The following PCDHGB7 variants were observed in gnomAD, a reference collection of about 807,000 sequenced individuals.
PCDHGB7 encodes the protein protocadherin gamma-B7.
In PCDHGB7, 37 loss-of-function variants were observed where a neutral mutation model predicts 61.4. That is an observed-to-expected ratio of 0.60 (90% CI 0.46 to 0.79). The LOEUF is 0.79. PCDHGB7 is among the 30% of genes least tolerant of loss of function. PCDHGB7 has a pLI of 0.00. For synonymous variants in PCDHGB7, 464 were observed against 503.5 expected (o/e 0.92, Z 1.05); for missense variants, 1,166 against 1,202.5 (o/e 0.97, Z 0.45).
Position 141,477,102 on chromosome 5 carries a change from C to T in PCDHGB7, c.2416-17705C>T. 2.5e-6 allele frequency: 4 copies of T among 1,614,232 alleles called. No homozygotes were observed. The South Asian group carries it at 4.4e-5, about 18-fold the overall frequency. On this transcript the variant is annotated intron_variant, in intron 1 of 3. Coordinates refer to ENST00000398594, the MANE Select transcript of PCDHGB7 (RefSeq NM_018927.4). This position sits in a 1 kb window ranked among gnomAD's most constrained non-coding sequence, Gnocchi z 4.9. Reference sequence around the variant, plus strand: ...TACATCCAGGCCAAAGACAAGGGCGCCAATCCCGAAGGAGCACATTGCAAA... The same window carrying T: ...TACATCCAGGCCAAAGACAAGGGCGTCAATCCCGAAGGAGCACATTGCAAA...
At chr5:141,506,566 T>C (rs909998933) in intron 3 of PCDHGB7, among the ~76,000 whole-genome samples, 33 of 152,022 alleles carry the variant, frequency 2.2e-4, no homozygotes, top group Non-Finnish European at 2.9e-5. Flanking sequence ...ACCCCCTCGG[T>C]TTCACTTACT....
intron 2 of PCDHGB7, among the ~76,000 whole-genome samples, chr5:141,500,231 C>T (rs992215482): frequency 1.4e-5 from 2 of 138,098 alleles, no homozygotes; most frequent in East Asian, 4.1e-4. Context: ...TTTATTGATA[C>T]GTAGCCTTGC....
intron 1 of PCDHGB7, chr5:141,427,612 T>G (rs975527074): frequency 2.9e-6 from 2 of 691,298 alleles, no homozygotes; most frequent in African/African-American, 1.8e-5. Flanking sequence ...ATTGGTGAAG[T>G]CAACGACAAT....
chr5:141,427,825 C>A (rs1342117815), intron 1 of PCDHGB7: 1 of 1,536,464 alleles, frequency 6.5e-7, no homozygotes, highest in Non-Finnish European at 8.9e-7. Flanking sequence ...GTGGTGGTCG[C>A]GCAGCGTGCC....
At chr5:141,498,971 G>GGGAGGGAAGGAAGGAAGGAAGGAA (rs2099787588) in intron 2 of PCDHGB7, among the ~76,000 whole-genome samples, 6 of 110,972 alleles carry the variant, frequency 5.4e-5, no homozygotes, top group Admixed American at 5.3e-4. Flanking sequence ...GAGGGAGGGA[G>GGGAGGGAAGGAAGGAAGGAAGGAA]GGAAGGAAGG....
intron 3 of PCDHGB7, among the ~76,000 whole-genome samples, chr5:141,510,639 T>TATCA (rs998925545): frequency 1.4e-4 from 22 of 152,300 alleles, no homozygotes; most frequent in African/African-American, 4.6e-4. Context: ...TGGTTACCAT[T>TATCA]ATCATCCCCA....
Position 141,476,104 on chromosome 5 carries a change from G to A in PCDHGB7, c.2416-18703G>A. 6.3e-7 allele frequency: 1 copy of A among 1,584,700 alleles called. No homozygotes were observed. Among genetic ancestry groups the A allele is most frequent in the Non-Finnish European group, 8.6e-7 (1 of 1,168,500 alleles). On this transcript the variant is annotated intron_variant, in intron 1 of 3. Coordinates refer to ENST00000398594, the MANE Select transcript of PCDHGB7 (RefSeq NM_018927.4). The surrounding 1 kb of genome is among the most constrained non-coding windows in gnomAD (Gnocchi z 7.6). ...GATCTGGACCCCGCTGAGAGGAACTGCTTTTGAGTGAGATGGTCCCAGAGG... is the reference window on the plus strand; with the variant it reads ...GATCTGGACCCCGCTGAGAGGAACTACTTTTGAGTGAGATGGTCCCAGAGG...
intron 1 of PCDHGB7, chr5:141,478,400 C>A (rs1295855090): frequency 6.2e-7 from 1 of 1,613,550 alleles, no homozygotes; most frequent in East Asian, 2.2e-5. Context: ...TCAGGTGTAT[C>A]TCACCACGGA....
chr5:141,465,782 T>G (rs2099109563), intron 1 of PCDHGB7, among the ~76,000 whole-genome samples: 1 of 152,076 alleles, frequency 6.6e-6, no homozygotes, highest in African/African-American at 2.4e-5. Flanking sequence ...TGTTACAGTT[T>G]TTTTTTTTTT....
In PCDHGB7 at chr5:141,427,737, G is replaced by C. The variant is rs1460682938; in HGVS notation, c.2415+7463G>C. 2.5e-6 allele frequency: 3 copies of C among 1,223,986 alleles called. No homozygotes were observed. The African/African-American group carries it at 4.4e-5, about 18-fold the overall frequency. 75.8% of individuals were successfully genotyped at this position (1,223,986 alleles called of 1,614,324 possible). A position where few individuals can be genotyped will look rare whatever the true frequency, so the allele number is the denominator to read the frequency against. On this transcript the variant is annotated intron_variant, in intron 1 of 3. Coordinates refer to ENST00000398594, the MANE Select transcript of PCDHGB7 (RefSeq NM_018927.4). The stretch of plus-strand genomic sequence containing the variant: ...CCTGGACCTAGGGCTGAATGGCCAA[G>C]TCTCCTACTCCATCGTTACCACTGA...
At chr5:141,492,091 C>A (rs930375969) in intron 1 of PCDHGB7, among the ~76,000 whole-genome samples, 1 of 152,242 alleles carries the variant, frequency 6.6e-6, no homozygotes, top group South Asian at 2.1e-4. Flanking sequence ...CACGCTTCGC[C>A]GGTCTGTAGA....
intron 2 of PCDHGB7, among the ~76,000 whole-genome samples, chr5:141,504,802 C>G (rs370355030): frequency 6.6e-6 from 1 of 152,030 alleles, no homozygotes; most frequent in East Asian, 1.9e-4. Context: ...ACATCTCCCC[C>G]TAGGTACCTC....
rs763104309 is a variant in PCDHGB7, at chr5:141,432,042, G to A, written c.2415+11768G>A. 5 of 1,614,090 alleles carry A rather than the reference G, an allele frequency of 3.1e-6. No homozygotes were observed. The African/African-American group carries it at 6.7e-5, about 22-fold the overall frequency. ...ATCACAGTGACCGCCACTGACCGGG[G>A]AACCCCGCCCCTATCCACGGAAACT... On this transcript the variant is annotated intron_variant, in intron 1 of 3. Transcript: ENST00000398594. The surrounding 1 kb of genome is among the most constrained non-coding windows in gnomAD (Gnocchi z 6.0).
intron 1 of PCDHGB7, chr5:141,433,359 CT>C: frequency 8.7e-6 from 2 of 228,708 alleles, no homozygotes; most frequent in Non-Finnish European, 1.6e-5. Context: ...TACTGTCTGC[CT>C]ATCTATCTAT....
intron 1 of PCDHGB7, among the ~76,000 whole-genome samples, chr5:141,450,826 A>T (rs965147554): frequency 1.9e-4 from 26 of 134,356 alleles, no homozygotes; most frequent in East Asian, 6.4e-4. Context: ...TATTATTATT[A>T]TTATTTTTTT....
In PCDHGB7 at chr5:141,490,639, C is replaced by T. The variant is rs1345892739; in HGVS notation, c.2416-4168C>T. 25 of 1,614,200 alleles carry T rather than the reference C, an allele frequency of 1.5e-5. No homozygotes were observed. Among genetic ancestry groups the T allele is most frequent in the East Asian group, 2.2e-5 (1 of 44,878 alleles). ...TTACACTGCTTACATCCTAGAAAAC[C>T]GGCCTCCGGGCTCCCTTCTTTGCAC... On this transcript the variant is annotated intron_variant, in intron 1 of 3. Transcript: ENST00000398594. This position sits in a 1 kb window ranked among gnomAD's most constrained non-coding sequence, Gnocchi z 5.4.
intron 3 of PCDHGB7, among the ~76,000 whole-genome samples, chr5:141,509,620 C>G (rs1321910971): frequency 6.6e-6 from 1 of 152,188 alleles, no homozygotes; most frequent in African/African-American, 2.4e-5. Context: ...TAAACAAGTT[C>G]CTGGGTGATG....
Position 141,489,323 on chromosome 5 carries a change from C to T in PCDHGB7, c.2416-5484C>T, listed in dbSNP as rs746520513. 1 of 1,601,632 alleles carries T rather than the reference C, an allele frequency of 6.2e-7. No individual in the cohort carries two copies. Among genetic ancestry groups the T allele is most frequent in the Non-Finnish European group, 8.5e-7 (1 of 1,172,950 alleles). ...TCCTTGTGCTGCTGGGGCTGGGTGT[C>T]TGGGCAGCTTCGTTACTCAGTGGTG... On this transcript the variant is annotated intron_variant, in intron 1 of 3. Coordinates refer to ENST00000398594, the MANE Select transcript of PCDHGB7 (RefSeq NM_018927.4). The surrounding 1 kb of genome is among the most constrained non-coding windows in gnomAD (Gnocchi z 4.5).
chr5:141,491,434 A>T lies in PCDHGB7; in HGVS notation c.2416-3373A>T. 6.2e-7 allele frequency: 1 copy of T among 1,614,032 alleles called. No homozygotes were observed. Among genetic ancestry groups the T allele is most frequent in the Non-Finnish European group, 8.5e-7 (1 of 1,179,988 alleles). On this transcript the variant is annotated intron_variant, in intron 1 of 3. Transcript: ENST00000398594. The surrounding 1 kb of genome is among the most constrained non-coding windows in gnomAD (Gnocchi z 6.9). ...GGACGGGGGTGGAGGGCAGTGCTGC[A>T]GGCGCCAGGACTCACCCTCCCCGGA...
Sources: gnomAD v4.1 joint callset for allele counts (sites outside exome capture counted in the v4.1 genomes callset) on GRCh38, gnomAD v4.1.1 for gene constraint, Gnocchi (gnomAD v3.1) non-coding constraint, MANE v1.5 for transcripts, NCBI Gene and HGNC (gene_info 2026-07-23, HGNC 2026-07-21) for gene names.